Variants in PTPRD observed in about 807,000 individuals in gnomAD.
PTPRD encodes receptor-type tyrosine-protein phosphatase delta.
In PTPRD, 34 loss-of-function variants were observed where a neutral mutation model predicts 214.5. The observed-to-expected ratio is 0.16, with a 90% CI of 0.12 to 0.21. The LOEUF is 0.21. PTPRD is among the 10% of genes least tolerant of loss of function. The pLI is 1.00. For missense variants in PTPRD, 2,545 were observed against 2,398.7 expected (o/e 1.06, Z -1.27); for synonymous variants, 1,128 against 845.7 (o/e 1.33, Z -5.79).
chr9:8,319,933 C>A lies in PTPRD; in HGVS notation c.5568G>T (p.Thr1856=), dbSNP rs758980398. 1.2e-6 allele frequency: 2 copies of A among 1,612,722 alleles called. No individual in the cohort carries two copies. The highest frequency in any genetic ancestry group is 8.5e-7 in the Non-Finnish European group (1 of 1,179,396). ...AGVGRTGVFI[T]LSIVLERMRY... is the part of the protein sequence containing the mutation. ...TCATTCTTTCCAAAACAATGCTTAGCGTTATGAAGACTCCAGTTCTTCCAA... is the reference window on the plus strand; with the variant it reads ...TCATTCTTTCCAAAACAATGCTTAGAGTTATGAAGACTCCAGTTCTTCCAA... Residue 1856 remains threonine, a synonymous_variant, in exon 45 of 46, where the codon ACG becomes ACT. Coordinates refer to ENST00000381196, the MANE Select transcript of PTPRD (RefSeq NM_002839.4).
intron 7 of PTPRD, among the ~76,000 whole-genome samples, chr9:9,616,045 T>G (rs2094838045): frequency 6.6e-6 from 1 of 152,176 alleles, no homozygotes; most frequent in Non-Finnish European, 1.5e-5. Flanking sequence ...TAGAATGCAT[T>G]AGCCTGTAGT....
At chr9:10,579,093 G>T (rs138170574) in intron 2 of PTPRD, among the ~76,000 whole-genome samples, 1,639 of 151,922 alleles carry the variant, frequency 0.011, 24 homozygotes, top group South Asian at 0.038. Flanking sequence ...CCCTTGACAG[G>T]CCCTGATGTG....
At chr9:9,538,699 C>T (rs996125930) in intron 8 of PTPRD, among the ~76,000 whole-genome samples, 9 of 151,764 alleles carry the variant, frequency 5.9e-5, no homozygotes, top group East Asian at 1.9e-4. Flanking sequence ...ATTTTTAAAT[C>T]GATATTGATA....
At chr9:9,495,643 C>T (rs2096145446) in intron 8 of PTPRD, among the ~76,000 whole-genome samples, 1 of 152,082 alleles carries the variant, frequency 6.6e-6, no homozygotes, top group Non-Finnish European at 1.5e-5. Flanking sequence ...CCATCCCCGC[C>T]CCGACTCCCC....
chr9:8,706,149 G>C (rs370659824), intron 12 of PTPRD, among the ~76,000 whole-genome samples: 1 of 151,972 alleles, frequency 6.6e-6, no homozygotes, highest in Non-Finnish European at 1.5e-5. Flanking sequence ...CTCCTCAAGA[G>C]AAACATTATA....
chr9:8,893,182 A>C (rs2098556695), intron 11 of PTPRD, among the ~76,000 whole-genome samples: 2 of 152,160 alleles, frequency 1.3e-5, no homozygotes, highest in African/African-American at 4.8e-5. Flanking sequence ...GGACCAAGAG[A>C]GAAAAAAATC....
intron 5 of PTPRD, among the ~76,000 whole-genome samples, chr9:9,925,719 A>G (rs1467376668): frequency 6.6e-6 from 1 of 152,056 alleles, no homozygotes; most frequent in Non-Finnish European, 1.5e-5. Flanking sequence ...GTCGTGTCTC[A>G]AAAAATTTTC....
intron 3 of PTPRD, among the ~76,000 whole-genome samples, chr9:10,299,873 T>A (rs73644410): frequency 0.01 from 1,540 of 152,296 alleles, 28 homozygotes; most frequent in African/African-American, 0.035. Context: ...TTAAATATAT[T>A]AATGCATAAA....
At chr9:9,210,426 C>G (rs1370596565) in intron 9 of PTPRD, among the ~76,000 whole-genome samples, 1 of 152,104 alleles carries the variant, frequency 6.6e-6, no homozygotes, top group Admixed American at 6.5e-5. Flanking sequence ...TTGAAAATTT[C>G]TTAATTTGCC....
At chr9:9,665,987 A>C (rs2096714054) in intron 7 of PTPRD, among the ~76,000 whole-genome samples, 1 of 151,920 alleles carries the variant, frequency 6.6e-6, no homozygotes, top group African/African-American at 2.4e-5. Context: ...AAAGTCCTTT[A>C]TCTTTCCAGT....
At chr9:9,324,750 T>A (rs1036828476) in intron 9 of PTPRD, among the ~76,000 whole-genome samples, 13 of 152,204 alleles carry the variant, frequency 8.5e-5, no homozygotes, top group Admixed American at 6.5e-4. Flanking sequence ...GGTGTTTCAG[T>A]CATGAAGTCC....
At chr9:9,929,827 T>C (rs1013252340) in intron 5 of PTPRD, among the ~76,000 whole-genome samples, 1 of 128,794 alleles carries the variant, frequency 7.8e-6, no homozygotes, top group African/African-American at 2.8e-5. Context: ...CTACTTGTAC[T>C]ACATCATGTT....
chr9:9,104,206 T>C (rs140011334), intron 10 of PTPRD, among the ~76,000 whole-genome samples: 174 of 152,280 alleles, frequency 1.1e-3, no homozygotes, highest in African/African-American at 3.6e-3. Flanking sequence ...ATCAAAGCAT[T>C]CAGACAATAG....
At chr9:10,161,576 C>G (rs1439718223) in intron 3 of PTPRD, among the ~76,000 whole-genome samples, 1 of 151,890 alleles carries the variant, frequency 6.6e-6, no homozygotes, top group Non-Finnish European at 1.5e-5. Context: ...TAATCGAAGA[C>G]TTGAAACCCT....
chr9:9,707,579 T>C (rs1264398856), intron 7 of PTPRD, among the ~76,000 whole-genome samples: 1 of 152,152 alleles, frequency 6.6e-6, no homozygotes, highest in African/African-American at 2.4e-5. Flanking sequence ...TAGGATACCA[T>C]CTCTAAAATA....
intron 2 of PTPRD, among the ~76,000 whole-genome samples, chr9:10,543,477 T>TACACACAC (rs370246328): frequency 0.15 from 20,953 of 140,922 alleles, 1,706 homozygotes; most frequent in South Asian, 0.2. Context: ...AATATATATA[T>TACACACAC]ATACACACAC....
At chr9:9,359,342 G>C (rs557073550) in intron 9 of PTPRD, among the ~76,000 whole-genome samples, 1 of 151,084 alleles carries the variant, frequency 6.6e-6, no homozygotes, top group Non-Finnish European at 1.5e-5. Context: ...AGGACACTTC[G>C]GGGACTACAA....
intron 21 of PTPRD, among the ~76,000 whole-genome samples, chr9:8,511,142 C>T (rs758140566): frequency 6.6e-6 from 1 of 152,126 alleles, no homozygotes; most frequent in African/African-American, 2.4e-5. Flanking sequence ...AATCATGGTT[C>T]ACTACAGCTT....
intron 14 of PTPRD, among the ~76,000 whole-genome samples, chr9:8,575,918 A>G (rs918680669): frequency 6.6e-6 from 1 of 152,208 alleles, no homozygotes; most frequent in Non-Finnish European, 1.5e-5. Context: ...TGAACTCCAT[A>G]ATCGACTCTG....
Sources: gnomAD v4.1 joint callset for allele counts (sites outside exome capture counted in the v4.1 genomes callset) on GRCh38, gnomAD v4.1.1 for gene constraint, MANE v1.5 for transcripts, NCBI Gene and HGNC (gene_info 2026-07-23, HGNC 2026-07-21) for gene names.